Variants in WASHC4 observed in about 807,000 individuals in gnomAD.
The protein encoded by WASHC4 is WASH complex subunit 7.
Under a neutral mutation model 166.6 loss-of-function variants are expected in WASHC4, and 86 were observed. The observed-to-expected ratio is 0.52, with a 90% confidence interval of 0.43 to 0.62. WASHC4 has a LOEUF of 0.62. Among genes scored for constraint, WASHC4 ranks in the 20% least tolerant of loss-of-function variants. The probability of loss-of-function intolerance (pLI) is 0.00; values close to 1 mark genes in which losing one functional copy is unlikely to be tolerated. For missense variants in WASHC4, 1,262 were observed against 1,382.4 expected, an observed-to-expected ratio of 0.91 and a Z score of 1.38; for synonymous variants, 446 against 451.6, an observed-to-expected ratio of 0.99 and a Z score of 0.16.
intron 18 of WASHC4, among the ~76,000 whole-genome samples, chr12:105,142,013 T>C: frequency 2.3e-5 from 1 of 43,564 alleles, no homozygotes; most frequent in African/African-American, 1.0e-4. Context: ...GCGGGGGGGG[T>C]CACAATTTTT....
intron 13 of WASHC4, among the ~76,000 whole-genome samples, chr12:105,133,434 C>A (rs1233966618): frequency 6.6e-6 from 1 of 152,068 alleles, no homozygotes; most frequent in African/African-American, 2.4e-5. Context: ...GCTTTTATTT[C>A]TTCTGTAGTA....
chr12:105,164,442 AT>A (rs1401546088), intron 31 of WASHC4, 135 bp downstream of exon 31: 4 of 890,902 alleles, frequency 4.5e-6, no homozygotes, highest in Non-Finnish European at 7.1e-6. Flanking sequence ...AAAAGATTAT[AT>A]TTTAAAATGA....
intron 24 of WASHC4, chr12:105,148,497 G>A: frequency 2.0e-6 from 2 of 985,310 alleles, no homozygotes; most frequent in Non-Finnish European, 2.4e-6. Context: ...GTAGATTACT[G>A]ATGTCTGTTG....
chr12:105,123,038 G>A (rs1880921600), intron 10 of WASHC4, among the ~76,000 whole-genome samples: 1 of 152,206 alleles, frequency 6.6e-6, no homozygotes, highest in South Asian at 2.1e-4. Context: ...GATAGGGCCG[G>A]GCGCGGTGGC....
intron 13 of WASHC4, among the ~76,000 whole-genome samples, chr12:105,132,686 T>G (rs902421789): frequency 2.0e-5 from 3 of 152,156 alleles, no homozygotes; most frequent in Non-Finnish European, 4.4e-5. Context: ...GCTGAACTTA[T>G]GATCTTGCTG....
chr12:105,115,960 C>T (rs1880141183), intron 6 of WASHC4, among the ~76,000 whole-genome samples: 3 of 152,114 alleles, frequency 2.0e-5, no homozygotes, highest in Admixed American at 2.0e-4. Context: ...TCTTTATGGA[C>T]AACTTGTCAC....
chr12:105,153,167 T>C (rs149245085), intron 26 of WASHC4, among the ~76,000 whole-genome samples: 220 of 152,356 alleles, frequency 1.4e-3, no homozygotes, highest in African/African-American at 5.0e-3. Flanking sequence ...CTTGAAAGTT[T>C]ATATTAACAC....
intron 26 of WASHC4, chr12:105,155,146 CAA>C (rs1439000217): frequency 6.6e-6 from 1 of 152,058 alleles, no homozygotes; most frequent in Non-Finnish European, 1.5e-5. Flanking sequence ...GTGAAGAAGA[CAA>C]AGGCTGTACT....
chr12:105,148,116 TG>T (rs1883461346), intron 24 of WASHC4: 27 of 985,156 alleles, frequency 2.7e-5, no homozygotes, highest in Non-Finnish European at 3.3e-5. Context: ...TGGGAGAAAA[TG>T]GAAAGTTAAG....
At chr12:105,141,145 C>G in intron 17 of WASHC4, 22 bp from the exon 18 acceptor site, 1 of 1,610,706 alleles carries the variant, frequency 6.2e-7, no homozygotes, top group Admixed American at 1.7e-5. Flanking sequence ...ACTTCTCTGC[C>G]TTTTTTTCCT....
At chr12:105,131,082 A>ATT (rs910009603) in intron 13 of WASHC4, among the ~76,000 whole-genome samples, 1 of 148,654 alleles carries the variant, frequency 6.7e-6, no homozygotes, top group African/African-American at 2.5e-5. Flanking sequence ...TTATTTATTT[A>ATT]TTTTTTTTTT....
chr12:105,122,313 T>A, intron 10 of WASHC4, 75 bp downstream of exon 10: 1 of 1,421,772 alleles, frequency 7.0e-7, no homozygotes, highest in Admixed American at 1.7e-5. Context: ...AGTAGGACAC[T>A]TTTATAATAT....
At chr12:105,126,761 G>A (rs1881322410) in intron 12 of WASHC4, among the ~76,000 whole-genome samples, 1 of 152,022 alleles carries the variant, frequency 6.6e-6, no homozygotes. Flanking sequence ...AACATCAAGT[G>A]ATAGTAACTA....
At chr12:105,119,064 A>G (rs2135734428) in intron 7 of WASHC4, among the ~76,000 whole-genome samples, 1 of 152,332 alleles carries the variant, frequency 6.6e-6, no homozygotes, top group South Asian at 2.1e-4. Flanking sequence ...GAGGGCTGAA[A>G]GGACAAAGAG....
rs181572827 is a variant in WASHC4, at chr12:105,114,957, A to G, written c.322-227A>G. Reference sequence around the variant, plus strand: ...GATGTGGGACAGTGAGGGTGGTCAGATAAGATGAAGTAAAGGCTAAAGGAA... The same window carrying G: ...GATGTGGGACAGTGAGGGTGGTCAGGTAAGATGAAGTAAAGGCTAAAGGAA... On this transcript the variant is annotated intron_variant, in intron 4 of 32. Coordinates refer to ENST00000332180, the MANE Select transcript of WASHC4 (RefSeq NM_015275.3). Among the ~76,000 whole-genome samples the G allele has an allele frequency of 2.4e-3, 369 of 152,130 alleles. 3 individuals are homozygous for G. The highest frequency in any genetic ancestry group is 4.2e-3 in the Non-Finnish European group (287 of 67,876).
chr12:105,111,092 C>G, intron 1 of WASHC4, 33 bp from the exon 2 acceptor site: 2 of 1,532,264 alleles, frequency 1.3e-6, no homozygotes, highest in Non-Finnish European at 1.8e-6. Context: ...ATTACTTGCA[C>G]TTATCACATA....
intron 14 of WASHC4, among the ~76,000 whole-genome samples, chr12:105,136,310 T>C (rs540112717): frequency 6.6e-6 from 1 of 152,304 alleles, no homozygotes; most frequent in African/African-American, 2.4e-5. Flanking sequence ...AAAGCAACCC[T>C]GAATGCCAGG....
intron 29 of WASHC4, among the ~76,000 whole-genome samples, chr12:105,161,907 A>G (rs972234341): frequency 1.3e-5 from 2 of 152,228 alleles, no homozygotes; most frequent in African/African-American, 4.8e-5. Context: ...TTAAAATTTC[A>G]TAAAATTAAA....
intron 1 of WASHC4, among the ~76,000 whole-genome samples, chr12:105,108,853 G>C (rs1214280373): frequency 6.6e-6 from 1 of 152,058 alleles, no homozygotes; most frequent in African/African-American, 2.4e-5. Context: ...AGATGAATTA[G>C]GTTTTACAAG....
Sources: gnomAD v4.1 joint callset for allele counts (sites outside exome capture counted in the v4.1 genomes callset) on GRCh38, gnomAD v4.1.1 for gene constraint, MANE v1.5 for transcripts, NCBI Gene and HGNC (gene_info 2026-07-23, HGNC 2026-07-21) for gene names.